The following PPP2R2B variants were observed in gnomAD, a reference collection of about 807,000 sequenced individuals.
PPP2R2B encodes the protein serine/threonine-protein phosphatase 2A 55 kDa regulatory subunit B beta isoform.
In PPP2R2B, 5 loss-of-function variants were observed where a neutral mutation model predicts 46.0. The ratio of observed to expected loss-of-function variants is 0.11; its 90% CI spans 0.06 to 0.23. PPP2R2B has a LOEUF of 0.23. Ranked by LOEUF, PPP2R2B falls within the 10% of genes least tolerant of loss-of-function variation. PPP2R2B has a pLI of 1.00. For synonymous variants in PPP2R2B, 215 were observed against 206.7 expected, an observed-to-expected ratio of 1.04 and a Z score of -0.34; for missense variants, 367 against 575.0, an observed-to-expected ratio of 0.64 and a Z score of 3.70.
intron 5 of PPP2R2B, among the ~76,000 whole-genome samples, chr5:146,651,942 A>T (rs1013865239): frequency 1.1e-4 from 17 of 152,212 alleles, no homozygotes; most frequent in South Asian, 2.1e-4. Flanking sequence ...GGGAGTTTTT[A>T]AATCAAATCA....
At chr5:146,986,221 G>C (rs1387436583) in intron 1 of PPP2R2B, among the ~76,000 whole-genome samples, 1 of 152,196 alleles carries the variant, frequency 6.6e-6, no homozygotes, top group African/African-American at 2.4e-5. Context: ...TTGGGAGAGA[G>C]AGAGAAAAGT....
intron 1 of PPP2R2B, chr5:146,922,653 T>C (rs1212884228): frequency 6.6e-6 from 1 of 152,192 alleles, no homozygotes; most frequent in African/African-American, 2.4e-5. Flanking sequence ...ATTCTCCCAC[T>C]ATCCTGGTAA....
intron 1 of PPP2R2B, among the ~76,000 whole-genome samples, chr5:146,945,884 G>C (rs1764464237): frequency 6.6e-6 from 1 of 152,130 alleles, no homozygotes; most frequent in South Asian, 2.1e-4. Flanking sequence ...CTAATAGCCA[G>C]GTGTTACTAT....
At chr5:147,040,925 A>G (rs1756263423) in intron 1 of PPP2R2B, 1 of 376,306 alleles carries the variant, frequency 2.7e-6, no homozygotes, top group South Asian at 2.0e-5. Context: ...AAGCCTGCCA[A>G]GTGAAAGGTA....
chr5:146,714,983 C>T (rs560522482), intron 2 of PPP2R2B, among the ~76,000 whole-genome samples: 1 of 152,290 alleles, frequency 6.6e-6, no homozygotes, highest in Non-Finnish European at 1.5e-5. Context: ...GCTGCTAACT[C>T]ATATACACTT....
chr5:146,982,080 T>C (rs190475982), intron 1 of PPP2R2B, among the ~76,000 whole-genome samples: 9 of 152,322 alleles, frequency 5.9e-5, no homozygotes, highest in South Asian at 2.1e-4. Context: ...TAACCAGTTC[T>C]TACTTTCATT....
chr5:147,058,172 A>G (rs1175670894), upstream of PPP2R2B, among the ~76,000 whole-genome samples: 1 of 152,196 alleles, frequency 6.6e-6, no homozygotes, highest in African/African-American at 2.4e-5. Context: ...GAATCGATGA[A>G]TGGATAAATC....
intron 2 of PPP2R2B, chr5:146,706,415 G>A (rs1194995): frequency 0.019 from 16,522 of 880,256 alleles, 690 homozygotes; most frequent in East Asian, 0.15. Context: ...GGTGGTCTTC[G>A]TATGGATACT....
At chr5:147,062,952 G>A (rs1335890213) in intron 2 of PPP2R2B, among the ~76,000 whole-genome samples, 3 of 116,820 alleles carry the variant, frequency 2.6e-5, no homozygotes, top group Non-Finnish European at 5.0e-5. Context: ...GGCATAGAAT[G>A]TAAAAGGGAG....
chr5:146,721,738 C>G (rs1183999399), intron 2 of PPP2R2B, among the ~76,000 whole-genome samples: 1 of 152,214 alleles, frequency 6.6e-6, no homozygotes, highest in Non-Finnish European at 1.5e-5. Flanking sequence ...GCACTTTGCT[C>G]TCATTCACTC....
At chr5:146,656,062 CCCT>C (rs1365770562) in intron 5 of PPP2R2B, among the ~76,000 whole-genome samples, 3 of 152,142 alleles carry the variant, frequency 2.0e-5, no homozygotes, top group Admixed American at 2.0e-4. Context: ...CTTATTAAAT[CCCT>C]CCTCAATAGC....
At chr5:146,927,765 A>C (rs191701138) in intron 1 of PPP2R2B, among the ~76,000 whole-genome samples, 1 of 146,850 alleles carries the variant, frequency 6.8e-6, no homozygotes, top group African/African-American at 2.5e-5. Context: ...ATGGAGTCTC[A>C]CTCTGTCACC....
At chr5:146,620,369 C>A (rs1396436089) in intron 7 of PPP2R2B, among the ~76,000 whole-genome samples, 1 of 152,124 alleles carries the variant, frequency 6.6e-6, no homozygotes, top group Non-Finnish European at 1.5e-5. Context: ...TTTTTGAGAA[C>A]TGTCATTCTG....
intron 5 of PPP2R2B, among the ~76,000 whole-genome samples, chr5:146,676,545 T>G (rs1211647384): frequency 6.6e-6 from 1 of 152,172 alleles, no homozygotes; most frequent in Non-Finnish European, 1.5e-5. Flanking sequence ...TGCTGTGGTT[T>G]AAATATTAAT....
chr5:146,823,884 A>G (rs1368279582), intron 2 of PPP2R2B, among the ~76,000 whole-genome samples: 3 of 152,132 alleles, frequency 2.0e-5, no homozygotes, highest in African/African-American at 7.2e-5. Flanking sequence ...AAGTTGGCTC[A>G]ACCAAACTTA....
At chr5:146,943,304 A>G (rs1483301095) in intron 1 of PPP2R2B, among the ~76,000 whole-genome samples, 1 of 152,160 alleles carries the variant, frequency 6.6e-6, no homozygotes, top group Non-Finnish European at 1.5e-5. Flanking sequence ...CCTTTCCAAG[A>G]GATCAGTTTC....
rs772999508 is a variant in PPP2R2B, at chr5:146,691,087, T to C, written c.447+41A>G. Reference sequence around the variant, plus strand: ...AGCACATGGCCAACCTTAGGAGACCTGCCCCTGACTGTGGTGGCCAGGGCA... The same window carrying C: ...AGCACATGGCCAACCTTAGGAGACCCGCCCCTGACTGTGGTGGCCAGGGCA... On this transcript the variant is annotated intron_variant, in intron 5 of 9. Transcript: ENST00000394411. 4 of 1,566,970 alleles carry C rather than the reference T, an allele frequency of 2.6e-6. No homozygotes were observed. In the African/African-American group the frequency reaches 4.1e-5, roughly 16 times the overall value.
intron 1 of PPP2R2B, among the ~76,000 whole-genome samples, chr5:146,945,852 C>T (rs1764462914): frequency 6.6e-6 from 1 of 152,084 alleles, no homozygotes; most frequent in South Asian, 2.1e-4. Flanking sequence ...CAAGAATGAG[C>T]TGAGACACGT....
intron 1 of PPP2R2B, among the ~76,000 whole-genome samples, chr5:147,028,410 A>G (rs982033251): frequency 9.9e-5 from 15 of 152,204 alleles, no homozygotes; most frequent in African/African-American, 4.8e-5. Flanking sequence ...TGAATACTCA[A>G]AAAACACCTT....
Sources: allele counts gnomAD v4.1 joint callset (sites outside exome capture counted in the v4.1 genomes callset), GRCh38; gene constraint gnomAD v4.1.1; transcripts MANE v1.5; gene names NCBI Gene and HGNC (gene_info 2026-07-23, HGNC 2026-07-21).